ACYP2: variants seen among roughly 807,000 people sequenced by gnomAD.
ACYP2 encodes acylphosphatase 2.
A neutral mutation model predicts 11.2 loss-of-function variants in ACYP2; 12 were observed. The ratio of observed to expected loss-of-function variants is 1.08; its 90% confidence interval spans 0.69 to 1.74. The LOEUF (loss-of-function observed/expected upper bound fraction) is 1.74. Among genes scored for constraint, ACYP2 ranks in the 40% most tolerant of loss-of-function variants. The pLI is 0.00. For synonymous variants in ACYP2, 43 were observed against 32.2 expected, an observed-to-expected ratio of 1.33 and a Z score of -1.13; for missense variants, 134 against 101.9, an observed-to-expected ratio of 1.31 and a Z score of -1.35.
chr2:54,188,487 A>G (rs555744475), intron 6 of ACYP2, among the ~76,000 whole-genome samples: 1 of 152,346 alleles, frequency 6.6e-6, no homozygotes, highest in South Asian at 2.1e-4. Context: ...CGAACTTTCT[A>G]AAATGATAGT....
intron 6 of ACYP2, among the ~76,000 whole-genome samples, chr2:54,193,982 C>G (rs551772840): frequency 6.6e-6 from 1 of 152,120 alleles, no homozygotes; most frequent in African/African-American, 2.4e-5. Flanking sequence ...AATCAGATTT[C>G]CAAATAGGCA....
At chr2:54,073,629 C>T (rs1243457574) in intron 4 of ACYP2, among the ~76,000 whole-genome samples, 1 of 152,004 alleles carries the variant, frequency 6.6e-6, no homozygotes, top group East Asian at 1.9e-4. Context: ...TTTTTGCAAA[C>T]CTTATATCTG....
intron 4 of ACYP2, among the ~76,000 whole-genome samples, chr2:54,083,620 A>C (rs182961119): frequency 6.6e-6 from 1 of 152,314 alleles, no homozygotes; most frequent in East Asian, 1.9e-4. Flanking sequence ...GTGATGGAGA[A>C]TGACTCTCTA....
intron 6 of ACYP2, among the ~76,000 whole-genome samples, chr2:54,283,502 T>C (rs192183344): frequency 2.1e-3 from 323 of 152,308 alleles, no homozygotes; most frequent in Non-Finnish European, 3.5e-3. Context: ...ATAAATATTA[T>C]TAAACCCATT....
intron 4 of ACYP2, among the ~76,000 whole-genome samples, chr2:54,096,542 C>T (rs1678592874): frequency 6.6e-6 from 1 of 152,138 alleles, no homozygotes; most frequent in African/African-American, 2.4e-5. Context: ...GCCTGGGCAC[C>T]ACTGAGCACT....
intron 6 of ACYP2, among the ~76,000 whole-genome samples, chr2:54,274,643 A>AG (rs1688467408): frequency 6.8e-6 from 1 of 147,166 alleles, no homozygotes; most frequent in African/African-American, 2.5e-5. Flanking sequence ...AAAAAAAAAA[A>AG]AAAAAAAAAA....
At chr2:54,002,652 TTTA>T (rs1174096977) in intron 2 of ACYP2, among the ~76,000 whole-genome samples, 1 of 147,464 alleles carries the variant, frequency 6.8e-6, no homozygotes, top group African/African-American at 2.5e-5. Flanking sequence ...GCCATTTTAT[TTTA>T]TTTTATTTTT....
chr2:54,249,599 G>T (rs570881620), intron 6 of ACYP2, among the ~76,000 whole-genome samples: 1 of 152,084 alleles, frequency 6.6e-6, no homozygotes, highest in East Asian at 1.9e-4. Context: ...TATTTAAGGG[G>T]TAGGTAAATC....
At chr2:53,982,211 G>T (rs1231365787) in intron 2 of ACYP2, among the ~76,000 whole-genome samples, 1 of 152,148 alleles carries the variant, frequency 6.6e-6, no homozygotes, top group African/African-American at 2.4e-5. Context: ...GGGATTATCT[G>T]CATGCATAAT....
chr2:54,047,573 G>T (rs946063811), intron 2 of ACYP2, among the ~76,000 whole-genome samples: 5 of 152,156 alleles, frequency 3.3e-5, no homozygotes, highest in African/African-American at 1.2e-4. Context: ...TAAATTGATT[G>T]TATTGTATTA....
In ACYP2 at chr2:54,255,172, A is replaced by C. The variant is rs1390058725; in HGVS notation, c.405-49516A>C. The C allele has an allele frequency of 3.1e-6, 5 of 1,614,086 alleles. No individual in the cohort carries two copies. The African/African-American group carries it at 4.0e-5, about 13-fold the overall frequency. On this transcript the variant is annotated intron_variant, in intron 6 of 6. Coordinates refer to ENST00000607452, the MANE Select transcript of ACYP2 (RefSeq NM_001320586.2). ...TCCATGGCCCCGGCGCCACATGATT[A>C]GAGTGGAAAAAGACACCACTTGGCC... is the stretch of plus-strand genomic sequence containing the variant.
chr2:54,071,182 G>A (rs12623097), intron 4 of ACYP2, among the ~76,000 whole-genome samples: 14,847 of 152,094 alleles, frequency 0.098, 855 homozygotes, highest in East Asian at 0.26. Flanking sequence ...ATAACATCAC[G>A]CTTAATAGTG....
intron 6 of ACYP2, among the ~76,000 whole-genome samples, chr2:54,241,911 G>T (rs1181457390): frequency 6.6e-6 from 1 of 152,164 alleles, no homozygotes; most frequent in African/African-American, 2.4e-5. Flanking sequence ...TACTCCAGAG[G>T]CTAAGGCAGG....
At chr2:54,129,054 C>T (rs1257857588) in intron 4 of ACYP2, among the ~76,000 whole-genome samples, 2 of 152,170 alleles carry the variant, frequency 1.3e-5, no homozygotes, top group Non-Finnish European at 2.9e-5. Context: ...GTCAATTTGG[C>T]ACCCATATGT....
intron 6 of ACYP2, among the ~76,000 whole-genome samples, chr2:54,278,123 G>A (rs1488522821): frequency 6.6e-6 from 1 of 152,044 alleles, no homozygotes; most frequent in African/African-American, 2.4e-5. Flanking sequence ...GACTACAGGC[G>A]CCCGCCACCA....
intron 4 of ACYP2, among the ~76,000 whole-genome samples, chr2:54,127,376 A>T (rs1680589259): frequency 6.6e-6 from 1 of 152,206 alleles, no homozygotes; most frequent in African/African-American, 2.4e-5. Context: ...TACCATGCAC[A>T]TAATTATTTT....
Position 54,115,455 on chromosome 2 carries a change from G to C in ACYP2, c.278-19998G>C, listed in dbSNP as rs982955561. 6.1e-6 allele frequency: 6 copies of C among 981,524 alleles called. No homozygotes were observed. In the African/African-American group the frequency reaches 6.9e-5, roughly 11 times the overall value. 60.8% of individuals were successfully genotyped at this position (981,524 alleles called of 1,614,324 possible). A position where few individuals can be genotyped will look rare whatever the true frequency, so the allele number is the denominator to read the frequency against. On this transcript the variant is annotated intron_variant, in intron 4 of 6. Transcript: ENST00000607452. ...CAGCATCCTCCCCAGTCCGGGAAGA[G>C]AGGCCTAGGATGCCTGGGGCCCAGC...
At chr2:54,161,780 T>C (rs1682721693) in intron 6 of ACYP2, among the ~76,000 whole-genome samples, 1 of 152,198 alleles carries the variant, frequency 6.6e-6, no homozygotes. Context: ...TACGTATTTT[T>C]AACAATAATG....
At position 54,222,696 on chromosome 2, in the gene ACYP2, G is replaced by A. The variant is rs138845953; in HGVS notation, c.405-81992G>A. On this transcript the variant is annotated intron_variant, in intron 6 of 6. Transcript: ENST00000607452. ...ATATAAATTAGCTCAGACCCAAATTGCTGTTTTTTAGCATGTGAAAGTCTG... is the reference window on the plus strand; with the variant it reads ...ATATAAATTAGCTCAGACCCAAATTACTGTTTTTTAGCATGTGAAAGTCTG... 1.6e-3 allele frequency among the ~76,000 whole-genome samples: 241 copies of A among 152,126 alleles called. 2 individuals are homozygous for A. Among genetic ancestry groups the A allele is most frequent in the South Asian group, 0.012 (57 of 4,812 alleles).
Sources: allele counts gnomAD v4.1 joint callset (sites outside exome capture counted in the v4.1 genomes callset), GRCh38; gene constraint gnomAD v4.1.1; transcripts MANE v1.5; gene names NCBI Gene and HGNC (gene_info 2026-07-23, HGNC 2026-07-21).